TMEM178B: variants seen among roughly 807,000 people sequenced by gnomAD.
The protein encoded by TMEM178B is transmembrane protein 178B.
Under a neutral mutation model 31.0 loss-of-function variants are expected in TMEM178B, and 5 were observed. That is an observed-to-expected ratio of 0.16 (90% CI 0.08 to 0.34). The LOEUF (loss-of-function observed/expected upper bound fraction) is 0.34. Among genes scored for constraint, TMEM178B ranks in the 10% least tolerant of loss-of-function variants. TMEM178B has a pLI of 1.00. For synonymous variants in TMEM178B, 164 were observed against 164.0 expected (o/e 1.00, Z 0.00); for missense variants, 275 against 400.3 (o/e 0.69, Z 2.67).
chr7:141,323,998 A>G (rs1432580203), intron 2 of TMEM178B, among the ~76,000 whole-genome samples: 1 of 152,138 alleles, frequency 6.6e-6, no homozygotes, highest in Admixed American at 6.5e-5. Flanking sequence ...AGAACCAGCA[A>G]GTGCAAATGT....
intron 1 of TMEM178B, among the ~76,000 whole-genome samples, chr7:141,112,666 C>T (rs1040879494): frequency 6.6e-6 from 1 of 152,198 alleles, no homozygotes; most frequent in Non-Finnish European, 1.5e-5. Context: ...TGCAAGGATA[C>T]CTCTCCATCA....
chr7:141,164,248 G>A (rs540232198), intron 1 of TMEM178B, among the ~76,000 whole-genome samples: 16 of 152,276 alleles, frequency 1.1e-4, no homozygotes, highest in African/African-American at 3.6e-4. Context: ...ATTTGCAGAC[G>A]TATTGCTGTG....
chr7:141,302,025 A>G (rs1342071767), intron 2 of TMEM178B, among the ~76,000 whole-genome samples: 1 of 152,114 alleles, frequency 6.6e-6, no homozygotes, highest in African/African-American at 2.4e-5. Flanking sequence ...TGTTTAATGG[A>G]TGTGGAGTTT....
chr7:141,107,241 G>A (rs1220005475), intron 1 of TMEM178B, among the ~76,000 whole-genome samples: 1 of 152,212 alleles, frequency 6.6e-6, no homozygotes, highest in East Asian at 1.9e-4. Flanking sequence ...TGGTCACATA[G>A]GGCCACTGTC....
intron 2 of TMEM178B, among the ~76,000 whole-genome samples, chr7:141,255,901 C>T (rs564163145): frequency 7.9e-5 from 12 of 152,216 alleles, no homozygotes; most frequent in South Asian, 2.1e-4. Context: ...GATCAGGCAT[C>T]GAGAGAACTG....
chr7:141,275,956 C>A (rs576511882), intron 2 of TMEM178B, among the ~76,000 whole-genome samples: 6 of 152,306 alleles, frequency 3.9e-5, no homozygotes, highest in African/African-American at 1.4e-4. Context: ...ATGGGCACAT[C>A]TGATCATATT....
chr7:141,423,038 A>ATTAT (rs1176360757), intron 2 of TMEM178B, among the ~76,000 whole-genome samples: 1 of 152,080 alleles, frequency 6.6e-6, no homozygotes, highest in Non-Finnish European at 1.5e-5. Flanking sequence ...ATTAATTTTC[A>ATTAT]TTATTTATTT....
At chr7:141,087,845 C>A (rs1794813699) in intron 1 of TMEM178B, among the ~76,000 whole-genome samples, 1 of 152,142 alleles carries the variant, frequency 6.6e-6, no homozygotes, top group African/African-American at 2.4e-5. Context: ...ATAGAAAAAT[C>A]CCCTCAGAAT....
chr7:141,283,482 C>T (rs888296867), intron 2 of TMEM178B, among the ~76,000 whole-genome samples: 1 of 152,192 alleles, frequency 6.6e-6, no homozygotes, highest in African/African-American at 2.4e-5. Context: ...GATGGCATTC[C>T]CCCTGGATGG....
chr7:141,387,695 C>T (rs1010916990), intron 2 of TMEM178B, among the ~76,000 whole-genome samples: 12 of 152,192 alleles, frequency 7.9e-5, no homozygotes, highest in African/African-American at 2.2e-4. Context: ...TCCTGTCACC[C>T]GGTGGGTGGC....
intron 2 of TMEM178B, among the ~76,000 whole-genome samples, chr7:141,336,924 CCACCACCA>C (rs1799407452): frequency 7.5e-6 from 1 of 133,606 alleles, no homozygotes; most frequent in Admixed American, 7.4e-5. Context: ...ACCACCACCA[CCACCACCA>C]TCACCACCAC....
intron 1 of TMEM178B, among the ~76,000 whole-genome samples, chr7:141,099,126 C>T (rs546725730): frequency 6.6e-6 from 1 of 152,338 alleles, no homozygotes; most frequent in South Asian, 2.1e-4. Flanking sequence ...TCCCAGCCTC[C>T]TCCTTCAGAA....
At chr7:141,251,832 G>A (rs182617886) in intron 2 of TMEM178B, among the ~76,000 whole-genome samples, 1 of 152,248 alleles carries the variant, frequency 6.6e-6, no homozygotes, top group East Asian at 1.9e-4. Flanking sequence ...ATCCCCATGA[G>A]CTTTTCACCT....
At chr7:141,230,776 A>G (rs1797429296) in intron 2 of TMEM178B, among the ~76,000 whole-genome samples, 1 of 152,170 alleles carries the variant, frequency 6.6e-6, no homozygotes, top group South Asian at 2.1e-4. Context: ...AGCTAGGACT[A>G]CAGATGTGCT....
At chr7:141,250,623 C>T (rs898731415) in intron 2 of TMEM178B, among the ~76,000 whole-genome samples, 3 of 152,152 alleles carry the variant, frequency 2.0e-5, no homozygotes, top group African/African-American at 7.2e-5. Context: ...TGCTCACCTT[C>T]CTTTAATCCC....
chr7:141,241,814 A>G (rs762170373), intron 2 of TMEM178B, among the ~76,000 whole-genome samples: 9 of 152,184 alleles, frequency 5.9e-5, no homozygotes, highest in Non-Finnish European at 1.5e-5. Flanking sequence ...GAATGGGTTG[A>G]CTTAAATTTA....
chr7:141,253,017 G>A (rs1209884148), intron 2 of TMEM178B, among the ~76,000 whole-genome samples: 1 of 152,200 alleles, frequency 6.6e-6, no homozygotes, highest in Non-Finnish European at 1.5e-5. Flanking sequence ...GAAAAGAGGT[G>A]GCAATCTGTA....
chr7:141,258,045 A>G (rs1797955657), intron 2 of TMEM178B, among the ~76,000 whole-genome samples: 1 of 151,672 alleles, frequency 6.6e-6, no homozygotes, highest in South Asian at 2.1e-4. Context: ...GTACATTATG[A>G]TCTTCAGTTT....
At chr7:141,382,114 G>A (rs181608939) in intron 2 of TMEM178B, among the ~76,000 whole-genome samples, 15 of 152,276 alleles carry the variant, frequency 9.9e-5, no homozygotes, top group Admixed American at 8.5e-4. Context: ...TCTACCTCCT[G>A]CCAATGCTCC....
Sources: gnomAD v4.1 joint callset for allele counts (sites outside exome capture counted in the v4.1 genomes callset) on GRCh38, gnomAD v4.1.1 for gene constraint, MANE v1.5 for transcripts, NCBI Gene and HGNC (gene_info 2026-07-23, HGNC 2026-07-21) for gene names.